LMTK2: variants seen among roughly 807,000 people sequenced by gnomAD.
The protein encoded by LMTK2 is serine/threonine-protein kinase LMTK2.
Under a neutral mutation model 127.5 loss-of-function variants are expected in LMTK2, and 37 were observed. That is an observed-to-expected ratio of 0.29 (90% CI 0.22 to 0.38). LMTK2 has a LOEUF of 0.38. Among genes scored for constraint, LMTK2 ranks in the 10% least tolerant of loss-of-function variants. The pLI is 1.00. For missense variants in LMTK2, 1,694 were observed against 1,920.3 expected (o/e 0.88, Z 2.20); for synonymous variants, 819 against 810.1 (o/e 1.01, Z -0.19).
intron 1 of LMTK2, among the ~76,000 whole-genome samples, chr7:98,119,577 C>T (rs1012466229): frequency 1.3e-5 from 2 of 152,116 alleles, no homozygotes; most frequent in Non-Finnish European, 2.9e-5. Context: ...TTACATTTTA[C>T]GAATATCATG....
intron 6 of LMTK2, among the ~76,000 whole-genome samples, chr7:98,169,762 C>T (rs1004438377): frequency 1.3e-5 from 2 of 152,018 alleles, no homozygotes; most frequent in Non-Finnish European, 2.9e-5. Context: ...AACTCCCAAG[C>T]TCCACAGAGC....
chr7:98,154,690 C>T (rs1796901965), intron 4 of LMTK2, 68 bp from the exon 5 acceptor site: 16 of 984,598 alleles, frequency 1.6e-5, no homozygotes, highest in East Asian at 2.4e-5. Flanking sequence ...TTCCATTTCC[C>T]GGTAAATGCA....
rs1797413254 is a variant in LMTK2 at position 98,185,065 on chromosome 7, G to A, written c.806G>A (p.Arg269Gln). The change falls in exon 8 of 14, where the codon CGG becomes CAG. Residue 269 changes from arginine (R) to glutamine (Q), a missense_variant. This residue lies in a region of LMTK2 where 47 missense variants were observed against 95.4 expected (regional missense o/e 0.49). Coordinates refer to ENST00000297293, the MANE Select transcript of LMTK2 (RefSeq NM_014916.4). ...TCTGTTTTCAGTGATTTAGCCCTGC[G>A]GAATTGTTTTCTCACCTCCGACTTA... ...LHFLHSDLAL[R>Q]NCFLTSDLNV... 1.9e-6 allele frequency: 3 copies of A among 1,611,984 alleles called. No homozygotes were observed. The highest frequency in any genetic ancestry group is 1.7e-5 in the Admixed American group (1 of 60,014).
At chr7:98,114,426 A>G (rs1444383360) in intron 1 of LMTK2, among the ~76,000 whole-genome samples, 1 of 151,712 alleles carries the variant, frequency 6.6e-6, no homozygotes, top group East Asian at 1.9e-4. Flanking sequence ...TATTTTTTCT[A>G]TAGAGATGGG....
At chr7:98,178,489 T>TGCTGCCAAGCTCAGGCGAC (rs1797306513) in intron 7 of LMTK2, among the ~76,000 whole-genome samples, 1 of 152,162 alleles carries the variant, frequency 6.6e-6, no homozygotes, top group Non-Finnish European at 1.5e-5. Context: ...TCACAGCAAG[T>TGCTGCCAAGCTCAGGCGAC]GCTGCCAAGC....
chr7:98,203,583 A>G lies in LMTK2; in HGVS notation c.4117A>G (p.Thr1373Ala). 6 of 1,587,034 alleles carry G rather than the reference A, an allele frequency of 3.8e-6. No individual in the cohort carries two copies. Among genetic ancestry groups the G allele is most frequent in the Non-Finnish European group, 5.1e-6 (6 of 1,172,144 alleles). The change falls in exon 12 of 14, where the codon ACC (threonine) becomes GCC (alanine). Residue 1373 changes from threonine to alanine, a missense_variant. Around this residue, in one of 8 missense-constraint regions of LMTK2, gnomAD observed 554 missense variants for 567.7 expected, o/e 0.98. Coordinates refer to ENST00000297293, the MANE Select transcript of LMTK2 (RefSeq NM_014916.4). The part of the protein sequence containing the change: ...TVYLFDQETP[T>A]KELGPCGGEA... ...CTGTTTGACTTTTCAGGAGACCCCA[A>G]CCAAAGAGCTGGGGCCCTGTGGAGG...
chr7:98,202,902 G>C (rs1364283519), intron 11 of LMTK2, among the ~76,000 whole-genome samples: 2 of 152,160 alleles, frequency 1.3e-5, no homozygotes, highest in African/African-American at 4.8e-5. Context: ...TGAGGCTTTA[G>C]TTACACGATG....
Position 98,191,937 on chromosome 7 carries a change from G to A in LMTK2, c.1472G>A (p.Arg491Gln), listed in dbSNP as rs536950090. ...CACGACCACTTTGACGAGCGCAGCC[G>A]GGGCCACCTGGACGAAGGCTTGTCC... ...AKHDHFDERSRGHLDEGLSYT... is the reference protein window; with the variant it reads ...AKHDHFDERSQGHLDEGLSYT... The change falls in exon 11 of 14, where the codon CGG becomes CAG. Residue 491 changes from arginine (R) to glutamine (Q), a missense_variant. Arg to Gln is a conservative substitution (Grantham distance 43). Around this residue, in one of 8 missense-constraint regions of LMTK2, gnomAD observed 216 missense variants for 266.8 expected, o/e 0.81. Coordinates refer to ENST00000297293, the MANE Select transcript of LMTK2 (RefSeq NM_014916.4). The A allele has an allele frequency of 7.4e-6, 12 of 1,614,066 alleles. No homozygotes were observed. The highest frequency in any genetic ancestry group is 3.3e-5 in the Admixed American group (2 of 60,022).
At chr7:98,184,362 C>G (rs998184137) in intron 7 of LMTK2, among the ~76,000 whole-genome samples, 7 of 152,008 alleles carry the variant, frequency 4.6e-5, no homozygotes, top group Non-Finnish European at 1.0e-4. Context: ...TGGCTGTGAC[C>G]ACTTATCATT....
rs145344475 is a variant in LMTK2 at position 98,204,112 on chromosome 7, G to T, written c.4409G>T (p.Arg1470Leu). 2.5e-6 allele frequency: 4 copies of T among 1,612,772 alleles called. No homozygotes were observed. Among genetic ancestry groups the T allele is most frequent in the Non-Finnish European group, 3.4e-6 (4 of 1,180,014 alleles). ...QSWPHSAPYS[R>L]FSISPANIAS... ...TGGCCGCACTCGGCGCCTTACTCCCGGTTCTCCATCTCTCCCGCCAACATT... is the reference window on the plus strand; with the variant it reads ...TGGCCGCACTCGGCGCCTTACTCCCTGTTCTCCATCTCTCCCGCCAACATT... Residue 1470 changes from arginine (R) to leucine (L), a missense_variant, in exon 13 of 14, where the codon CGG becomes CTG. Transcript: ENST00000297293.
chr7:98,122,971 T>A (rs1016701996), intron 1 of LMTK2, among the ~76,000 whole-genome samples: 6 of 152,150 alleles, frequency 3.9e-5, no homozygotes, highest in African/African-American at 1.4e-4. Context: ...GTTCTCTTTT[T>A]TTTTTCCTTC....
intron 1 of LMTK2, among the ~76,000 whole-genome samples, chr7:98,113,740 T>G (rs1447609414): frequency 6.6e-6 from 1 of 152,240 alleles, no homozygotes; most frequent in East Asian, 1.9e-4. Context: ...AGCTTTTCTT[T>G]GAATCTTCTT....
intron 1 of LMTK2, among the ~76,000 whole-genome samples, chr7:98,128,276 A>T (rs1161192830): frequency 2.0e-5 from 3 of 152,228 alleles, no homozygotes; most frequent in Non-Finnish European, 4.4e-5. Flanking sequence ...CCTTTTAAAC[A>T]GGTGAGTCCT....
intron 11 of LMTK2, among the ~76,000 whole-genome samples, chr7:98,202,843 T>TA (rs1364970922): frequency 2.6e-5 from 4 of 152,214 alleles, no homozygotes; most frequent in Non-Finnish European, 5.9e-5. Context: ...ATGTCCCTGA[T>TA]ACTTGCAGTT....
At chr7:98,124,959 T>C (rs1796422864) in intron 1 of LMTK2, among the ~76,000 whole-genome samples, 1 of 152,214 alleles carries the variant, frequency 6.6e-6, no homozygotes, top group African/African-American at 2.4e-5. Context: ...TTGCATGATT[T>C]AGTTGTAATA....
intron 3 of LMTK2, among the ~76,000 whole-genome samples, chr7:98,144,742 C>A (rs1292499865): frequency 6.8e-6 from 1 of 146,056 alleles, no homozygotes; most frequent in African/African-American, 2.6e-5. Context: ...CATGCATAGT[C>A]CTCCTTTTTT....
intron 1 of LMTK2, among the ~76,000 whole-genome samples, chr7:98,131,142 G>T (rs894174348): frequency 6.6e-6 from 1 of 152,046 alleles, no homozygotes; most frequent in Non-Finnish European, 1.5e-5. Context: ...CATTAAGTAG[G>T]TCACTATCTC....
chr7:98,192,991 C>T lies in LMTK2; in HGVS notation c.2526C>T (p.Pro842=), dbSNP rs1447172720. Residue 842 remains proline (P), a synonymous_variant, in exon 11 of 14, where the codon CCC becomes CCT. Transcript: ENST00000297293. ...TCCCAACACAGGGAGAAACCCAGCC[C>T]ACGTGTTTAGATGTTATTGTCCCGG... The part of the protein sequence containing the change: ...DSLPTQGETQ[P]TCLDVIVPED... 6.2e-7 allele frequency: 1 copy of T among 1,614,094 alleles called. No homozygotes were observed. Among genetic ancestry groups the T allele is most frequent in the Admixed American group, 1.7e-5 (1 of 60,018 alleles).
chr7:98,159,239 T>G, intron 5 of LMTK2, 99 bp from the exon 6 acceptor site: 1 of 638,996 alleles, frequency 1.6e-6, no homozygotes, highest in Non-Finnish European at 2.6e-6. Context: ...TGAAAAAATT[T>G]GGATTACTAT....
Sources: allele counts gnomAD v4.1 joint callset (sites outside exome capture counted in the v4.1 genomes callset), GRCh38; gene constraint gnomAD v4.1.1; regional missense constraint gnomAD v4.1.1; transcripts MANE v1.5; gene names NCBI Gene and HGNC (gene_info 2026-07-23, HGNC 2026-07-21).